ST6GALNAC3: variants seen among roughly 807,000 people sequenced by gnomAD.
ST6GALNAC3 encodes the protein alpha-N-acetylgalactosaminide alpha-2,6-sialyltransferase 3.
ST6GALNAC3 carries 25 observed loss-of-function variants against 32.7 expected under a neutral mutation model. The ratio of observed to expected loss-of-function variants is 0.76; its 90% CI spans 0.56 to 1.07. The LOEUF (loss-of-function observed/expected upper bound fraction) is 1.07, where lower values mean the gene tolerates loss of function less well. Among genes scored for constraint, ST6GALNAC3 ranks in the 50% least tolerant of loss-of-function variants. The pLI, the probability that ST6GALNAC3 is intolerant of heterozygous loss-of-function variation, is 0.00. For synonymous variants in ST6GALNAC3, 129 were observed against 133.1 expected, an observed-to-expected ratio of 0.97 and a Z score of 0.21; for missense variants, 355 against 382.4, an observed-to-expected ratio of 0.93 and a Z score of 0.60.
intron 1 of ST6GALNAC3, among the ~76,000 whole-genome samples, chr1:76,302,783 A>T (rs112553683): frequency 2.0e-5 from 3 of 151,956 alleles, no homozygotes; most frequent in African/African-American, 7.2e-5. Flanking sequence ...TTACCAGTGG[A>T]GGGTGTCCAG....
At position 76,634,274 on chromosome 1, in the gene ST6GALNAC3, C is replaced by A; in HGVS notation, c.*5468C>A. 1 of 621,980 alleles carries A rather than the reference C, an allele frequency of 1.6e-6. No individual in the cohort carries two copies. Among genetic ancestry groups the A allele is most frequent in the Non-Finnish European group, 2.0e-6 (1 of 497,906 alleles). 38.5% of individuals were successfully genotyped at this position (621,980 alleles called of 1,614,324 possible). A position where few individuals can be genotyped will look rare whatever the true frequency, so the allele number is the denominator to read the frequency against. On this transcript the variant is annotated 3_prime_UTR_variant, in exon 5 of 5. Transcript: ENST00000328299. ...TGAAGTGAGAGCTATTTCTAAGAAA[C>A]TTCAAAAAGATCAAAACGAGGCAAT...
rs769363488 is a variant in ST6GALNAC3, at chr1:76,313,896, TA to T, written c.113del (p.Asn38ThrfsTer28). 26 of 1,613,588 alleles carry T rather than the reference TA, an allele frequency of 1.6e-5. No individual in the cohort carries two copies. Among genetic ancestry groups the T allele is most frequent in the Non-Finnish European group, 1.9e-5 (22 of 1,179,752 alleles). ...LVNEVNFPLL[L>X]NCFGQPGTKW... ...AATGAAGTGAATTTCCCATTGCTAC[TA>T]AACTGCTTTGGACAACCTGGTACAA... is the stretch of plus-strand genomic sequence containing the variant. On this transcript the variant is annotated frameshift_variant, in exon 2 of 5. Transcript: ENST00000328299. LOFTEE classifies it high-confidence loss of function.
Position 76,482,145 on chromosome 1 carries a change from C to T in ST6GALNAC3, c.623+69728C>T, listed in dbSNP as rs188695140. On this transcript the variant is annotated intron_variant, in intron 3 of 4. Coordinates refer to ENST00000328299, the MANE Select transcript of ST6GALNAC3 (RefSeq NM_152996.4). Reference sequence around the variant, plus strand: ...AATTTTAACAAATTTTCTTTACACACACACACACACACACACACACACATG... The same window carrying T: ...AATTTTAACAAATTTTCTTTACACATACACACACACACACACACACACATG... Among the ~76,000 whole-genome samples the T allele has an allele frequency of 8.5e-3, 1,286 of 151,874 alleles. 6 individuals are homozygous for T. Among genetic ancestry groups the T allele is most frequent in the Non-Finnish European group, 0.015 (1,007 of 67,932 alleles).
chr1:76,378,203 T>C (rs947571280), intron 2 of ST6GALNAC3, among the ~76,000 whole-genome samples: 1 of 152,150 alleles, frequency 6.6e-6, no homozygotes, highest in Admixed American at 6.5e-5. Context: ...ACTCTTACTT[T>C]GGGAGGATGA....
At chr1:76,489,837 C>T (rs925626371) in intron 3 of ST6GALNAC3, among the ~76,000 whole-genome samples, 6 of 152,124 alleles carry the variant, frequency 3.9e-5, no homozygotes, top group Admixed American at 3.3e-4. Flanking sequence ...GCTGTTAGTT[C>T]TCTGAGCCTG....
chr1:76,313,481 T>C (rs1646807213), intron 1 of ST6GALNAC3, among the ~76,000 whole-genome samples: 1 of 152,050 alleles, frequency 6.6e-6, no homozygotes, highest in African/African-American at 2.4e-5. Context: ...ATTGAGCAAT[T>C]AGAAAAGGTT....
chr1:76,534,141 C>G (rs755200324), intron 3 of ST6GALNAC3, among the ~76,000 whole-genome samples: 1 of 152,086 alleles, frequency 6.6e-6, no homozygotes, highest in East Asian at 1.9e-4. Flanking sequence ...CTCCTGGGTT[C>G]GAGTGATCCT....
intron 3 of ST6GALNAC3, among the ~76,000 whole-genome samples, chr1:76,544,804 T>A (rs1384321050): frequency 6.6e-6 from 1 of 152,230 alleles, no homozygotes; most frequent in Non-Finnish European, 1.5e-5. Context: ...TGGGAGTCAA[T>A]AACATTTCAC....
intron 1 of ST6GALNAC3, among the ~76,000 whole-genome samples, chr1:76,085,545 A>G (rs919646410): frequency 2.6e-5 from 4 of 152,230 alleles, no homozygotes; most frequent in Admixed American, 1.3e-4. Context: ...ATTCAGACCC[A>G]AAGTCTGAAC....
chr1:76,369,902 C>T (rs944859311), intron 2 of ST6GALNAC3, among the ~76,000 whole-genome samples: 3 of 152,166 alleles, frequency 2.0e-5, no homozygotes, highest in African/African-American at 7.2e-5. Flanking sequence ...CCTTGAATGG[C>T]TATGCTGCTT....
rs145945725 is a variant in ST6GALNAC3, at chr1:76,075,480, C to A, written c.18+596C>A. 4.2e-3 allele frequency among the ~76,000 whole-genome samples: 636 copies of A among 152,326 alleles called. 3 individuals are homozygous for A. Among genetic ancestry groups the A allele is most frequent in the Middle Eastern group, 0.027 (8 of 294 alleles). ...ATGTATATGTTAGTAGAGAACCTCT[C>A]ACTCTCTTTATGCTCATAAATTTGA... On this transcript the variant is annotated intron_variant, in intron 1 of 4. Transcript: ENST00000328299.
chr1:76,305,774 A>G, intron 1 of ST6GALNAC3: 1 of 394,754 alleles, frequency 2.5e-6, no homozygotes, highest in South Asian at 2.1e-5. Flanking sequence ...AAGTTTAATG[A>G]GTGTTATCAG....
intron 3 of ST6GALNAC3, among the ~76,000 whole-genome samples, chr1:76,484,894 C>T (rs1419424352): frequency 6.6e-6 from 1 of 152,010 alleles, no homozygotes; most frequent in African/African-American, 2.4e-5. Context: ...GAGATACATC[C>T]CATCAATACT....
intron 3 of ST6GALNAC3, among the ~76,000 whole-genome samples, chr1:76,492,945 A>T (rs1021976385): frequency 2.0e-5 from 3 of 152,052 alleles, no homozygotes; most frequent in Non-Finnish European, 4.4e-5. Flanking sequence ...TGCTTAAGTC[A>T]TTTCTAACCC....
intron 3 of ST6GALNAC3, among the ~76,000 whole-genome samples, chr1:76,527,184 C>T (rs992716258): frequency 2.0e-5 from 3 of 152,008 alleles, no homozygotes; most frequent in East Asian, 1.9e-4. Context: ...CCAGGTTTCG[C>T]GTTGGTGACA....
At chr1:76,302,814 A>G (rs575997814) in intron 1 of ST6GALNAC3, among the ~76,000 whole-genome samples, 1 of 152,134 alleles carries the variant, frequency 6.6e-6, no homozygotes, top group Admixed American at 6.5e-5. Context: ...TTTTGAACAA[A>G]GAATTGCACA....
In ST6GALNAC3 at chr1:76,509,140, A is replaced by G; in HGVS notation, c.623+96723A>G. Among the ~76,000 whole-genome samples the G allele has an allele frequency of 6.6e-6, 1 of 152,220 alleles. No individual in the cohort carries two copies. The highest frequency in any genetic ancestry group is 1.9e-4 in the East Asian group (1 of 5,202). ...GTTCGTCAATTGTTGATGTAGTGTA[A>G]AATGATTTTAATGCTTGTGGTCTAA... On this transcript the variant is annotated intron_variant, in intron 3 of 4. Coordinates refer to ENST00000328299, the MANE Select transcript of ST6GALNAC3 (RefSeq NM_152996.4). The surrounding 1 kb of genome is among the most constrained non-coding windows in gnomAD (Gnocchi z 5.5).
chr1:76,410,283 G>T (rs551285899), intron 2 of ST6GALNAC3, among the ~76,000 whole-genome samples: 1 of 152,162 alleles, frequency 6.6e-6, no homozygotes, highest in East Asian at 1.9e-4. Flanking sequence ...CTGCCTCAGG[G>T]TATTTGCATT....
intron 3 of ST6GALNAC3, among the ~76,000 whole-genome samples, chr1:76,593,735 AC>A: frequency 6.6e-6 from 1 of 152,210 alleles, no homozygotes; most frequent in African/African-American, 2.4e-5. Context: ...TCCTTGTGAT[AC>A]TTGTTGGAAA....
Sources: gnomAD v4.1 joint callset for allele counts (sites outside exome capture counted in the v4.1 genomes callset) on GRCh38, gnomAD v4.1.1 for gene constraint, Gnocchi (gnomAD v3.1) non-coding constraint, MANE v1.5 for transcripts, NCBI Gene and HGNC (gene_info 2026-07-23, HGNC 2026-07-21) for gene names.